Variants in NEK4 observed in about 807,000 individuals in gnomAD.
NEK4 encodes serine/threonine-protein kinase Nek4.
In NEK4, 86 loss-of-function variants were observed where a neutral mutation model predicts 98.4. That is an observed-to-expected ratio of 0.87 (90% confidence interval 0.73 to 1.05). NEK4 has a LOEUF of 1.05. Among genes scored for constraint, NEK4 ranks in the 50% least tolerant of loss-of-function variants. The probability of loss-of-function intolerance (pLI) is 0.00; values close to 1 mark genes in which losing one functional copy is unlikely to be tolerated. For synonymous variants in NEK4, 328 were observed against 342.2 expected, an observed-to-expected ratio of 0.96 and a Z score of 0.46; for missense variants, 898 against 950.3, an observed-to-expected ratio of 0.94 and a Z score of 0.72.
rs866321024 is a variant in NEK4 at position 52,752,194 on chromosome 3, A to T, written c.1106T>A (p.Ile369Asn). ...LATISSVNID[I>N]LPAKGRDSVS... ...TGAATCCCTCCCTTTTGCAGGTAAG[A>T]TGTCAATATTTACGCTACTGATTGT... Residue 369 changes from isoleucine (I) to asparagine (N), a missense_variant, in exon 7 of 16, where the codon ATC (isoleucine) becomes AAC (asparagine). Transcript: ENST00000233027. The T allele has an allele frequency of 1.9e-6, 3 of 1,614,166 alleles. No homozygotes were observed. In the Middle Eastern group the frequency reaches 4.9e-4, roughly 266 times the overall value.
At chr3:52,724,017 G>A (rs2097362340) in intron 15 of NEK4, among the ~76,000 whole-genome samples, 1 of 152,076 alleles carries the variant, frequency 6.6e-6, no homozygotes, top group South Asian at 2.1e-4. Flanking sequence ...TGGATCACTT[G>A]AGGTCAGGAG....
intron 15 of NEK4, among the ~76,000 whole-genome samples, chr3:52,728,816 G>C (rs984206812): frequency 6.6e-6 from 1 of 152,126 alleles, no homozygotes. Context: ...ATGCATCCCT[G>C]GGGGGAGGTC....
intron 15 of NEK4, among the ~76,000 whole-genome samples, chr3:52,724,527 T>C (rs375883349): frequency 2.7e-5 from 4 of 149,160 alleles, no homozygotes; most frequent in African/African-American, 7.5e-5. Flanking sequence ...CTATCAGAAA[T>C]ATTCAAGGGA....
At chr3:52,748,051 C>T (rs1159448449) in intron 8 of NEK4, among the ~76,000 whole-genome samples, 1 of 152,020 alleles carries the variant, frequency 6.6e-6, no homozygotes. Context: ...GCTCCTCCTC[C>T]TGGGTTCACG....
rs1369203254 is a variant in NEK4, at chr3:52,760,752, A to C, written c.963+43T>G. On this transcript the variant is annotated intron_variant, in intron 6 of 15. Coordinates refer to ENST00000233027, the MANE Select transcript of NEK4 (RefSeq NM_003157.6). Reference sequence around the variant, plus strand: ...ATTTGCTTAGATGGCCCATTTTTCTAAGTGCAGTTTCTAAAACACATACCC... The same window carrying C: ...ATTTGCTTAGATGGCCCATTTTTCTCAGTGCAGTTTCTAAAACACATACCC... 3.4e-6 allele frequency: 5 copies of C among 1,451,258 alleles called. No homozygotes were observed. In the Admixed American group the frequency reaches 1.0e-4, roughly 30 times the overall value. The allele number at this position is 1,451,258 out of a possible 1,614,324, so 89.9% of individuals were successfully genotyped here. A position where few individuals can be genotyped will look rare whatever the true frequency, so the allele number is the denominator to read the frequency against.
chr3:52,762,777 AG>A (rs1375377604), intron 5 of NEK4, among the ~76,000 whole-genome samples: 3 of 152,156 alleles, frequency 2.0e-5, no homozygotes, highest in African/African-American at 4.8e-5. Context: ...GCTACTGGGG[AG>A]GCTGAGGCAG....
intron 14 of NEK4, among the ~76,000 whole-genome samples, 179 bp downstream of exon 14, chr3:52,739,250 T>A (rs1356856446): frequency 6.6e-6 from 1 of 152,062 alleles, no homozygotes; most frequent in Non-Finnish European, 1.5e-5. Context: ...AATACAAAAA[T>A]TACCCGGGCA....
chr3:52,752,632 G>A (rs960786586), intron 6 of NEK4, among the ~76,000 whole-genome samples: 1 of 151,926 alleles, frequency 6.6e-6, no homozygotes, highest in East Asian at 1.9e-4. Context: ...AGGCACGGTG[G>A]CTCACACCTG....
At chr3:52,764,045 G>A (rs940879403) in intron 4 of NEK4, among the ~76,000 whole-genome samples, 2 of 152,344 alleles carry the variant, frequency 1.3e-5, no homozygotes, top group Non-Finnish European at 2.9e-5. Flanking sequence ...AGCACTTTGG[G>A]AGGCCGAGGC....
intron 6 of NEK4, among the ~76,000 whole-genome samples, chr3:52,758,777 C>G (rs577018807): frequency 5.7e-4 from 86 of 152,168 alleles, no homozygotes; most frequent in African/African-American, 2.0e-3. Context: ...ACTCCTACAA[C>G]TCAACAACAA....
At chr3:52,737,067 G>A (rs748718242) in intron 15 of NEK4, among the ~76,000 whole-genome samples, 2 of 152,104 alleles carry the variant, frequency 1.3e-5, no homozygotes, top group African/African-American at 2.4e-5. Context: ...CTCCCCTGCC[G>A]CTGGGATTAC....
chr3:52,725,514 C>CAA (rs2097363699), intron 15 of NEK4, among the ~76,000 whole-genome samples: 2 of 136,726 alleles, frequency 1.5e-5, no homozygotes, highest in African/African-American at 5.1e-5. Context: ...GACTCTGTCT[C>CAA]AAAAAACAAA....
intron 12 of NEK4, among the ~76,000 whole-genome samples, chr3:52,742,867 G>C (rs2097389058): frequency 6.6e-6 from 1 of 152,184 alleles, no homozygotes; most frequent in Admixed American, 6.5e-5. Context: ...ACAACTCACT[G>C]TAGCCTCAAC....
chr3:52,744,385 G>C, intron 10 of NEK4, 80 bp from the exon 11 acceptor site: 2 of 1,129,494 alleles, frequency 1.8e-6, no homozygotes, highest in Admixed American at 3.4e-5. Context: ...GTATCATTCA[G>C]CATTAAGAAA....
intron 15 of NEK4, chr3:52,733,474 A>T: frequency 2.4e-6 from 1 of 423,220 alleles, no homozygotes; most frequent in Non-Finnish European, 4.6e-6. Context: ...CAAGAACTTC[A>T]GGCACAAATT....
intron 5 of NEK4, among the ~76,000 whole-genome samples, chr3:52,762,936 T>G (rs1698411327): frequency 6.6e-6 from 1 of 152,170 alleles, no homozygotes; most frequent in Admixed American, 6.5e-5. Context: ...ATCTTCCCTT[T>G]TTCTTCCAGA....
chr3:52,764,778 G>GCACACACACACACACACACA (rs56827006), intron 4 of NEK4, among the ~76,000 whole-genome samples: 1 of 145,030 alleles, frequency 6.9e-6, no homozygotes, highest in African/African-American at 2.7e-5. Context: ...ACACACACAT[G>GCACACACACACACACACACA]CACACACACA....
chr3:52,724,263 A>ACACACACACACACACACACACACACAC (rs1553914988), intron 15 of NEK4, among the ~76,000 whole-genome samples: 1 of 151,418 alleles, frequency 6.6e-6, no homozygotes. Flanking sequence ...ACACACACAC[A>ACACACACACACACACACACACACACAC]AAACTGTCAA....
At chr3:52,740,879 T>C (rs2097384613) in intron 13 of NEK4, among the ~76,000 whole-genome samples, 2 of 151,870 alleles carry the variant, frequency 1.3e-5, no homozygotes, top group African/African-American at 4.8e-5. Flanking sequence ...TTAAGGAGCC[T>C]AATATACATG....
Sources: allele counts gnomAD v4.1 joint callset (sites outside exome capture counted in the v4.1 genomes callset), GRCh38; gene constraint gnomAD v4.1.1; transcripts MANE v1.5; gene names NCBI Gene and HGNC (gene_info 2026-07-23, HGNC 2026-07-21).